The following TRPS1 variants were observed in gnomAD, a reference collection of about 807,000 sequenced individuals.
TRPS1 encodes zinc finger transcription factor Trps1.
Under a neutral mutation model 101.2 loss-of-function variants are expected in TRPS1, and 6 were observed. The ratio of observed to expected loss-of-function variants is 0.06; its 90% confidence interval spans 0.03 to 0.12. TRPS1 has a LOEUF of 0.12. Among genes scored for constraint, TRPS1 ranks in the 10% least tolerant of loss-of-function variants. The pLI is 1.00. For synonymous variants in TRPS1, 578 were observed against 589.8 expected, an observed-to-expected ratio of 0.98 and a Z score of 0.29; for missense variants, 1,363 against 1,567.0, an observed-to-expected ratio of 0.87 and a Z score of 2.20.
intron 5 of TRPS1, among the ~76,000 whole-genome samples, chr8:115,470,269 TAAG>T (rs1274647752): frequency 1.3e-5 from 2 of 152,180 alleles, no homozygotes; most frequent in Non-Finnish European, 2.9e-5. Context: ...GACATTGAAA[TAAG>T]AAATAATGCA....
rs565920096 is a variant in TRPS1, at chr8:115,474,651, A to G, written c.2701-56199T>C. Among the ~76,000 whole-genome samples the G allele has an allele frequency of 1.7e-4, 26 of 152,204 alleles. No individual in the cohort carries two copies. The East Asian group carries it at 5.0e-3, about 29-fold the overall frequency. ...GTAATATTATGTTCAATGGTGTTGCAAACTAACCAGAATTGAATTACACTT... is the reference window on the plus strand; with the variant it reads ...GTAATATTATGTTCAATGGTGTTGCGAACTAACCAGAATTGAATTACACTT... On this transcript the variant is annotated intron_variant, in intron 5 of 6. Transcript: ENST00000395715.
At chr8:115,462,132 AT>A (rs1563748509) in intron 5 of TRPS1, among the ~76,000 whole-genome samples, 1 of 152,220 alleles carries the variant, frequency 6.6e-6, no homozygotes, top group East Asian at 1.9e-4. Context: ...TTCTGAGGAA[AT>A]ATGATCTTAC....
At chr8:115,656,424 A>G (rs1321665140) in intron 1 of TRPS1, among the ~76,000 whole-genome samples, 1 of 152,112 alleles carries the variant, frequency 6.6e-6, no homozygotes, top group African/African-American at 2.4e-5. Flanking sequence ...CAGTATTTTA[A>G]ATTTTCTTAT....
At chr8:115,544,543 T>C (rs1158824084) in intron 5 of TRPS1, among the ~76,000 whole-genome samples, 1 of 152,110 alleles carries the variant, frequency 6.6e-6, no homozygotes, top group Non-Finnish European at 1.5e-5. Flanking sequence ...ATTAAAAAGC[T>C]GTATTTTATT....
intron 5 of TRPS1, among the ~76,000 whole-genome samples, chr8:115,522,894 T>G (rs1404561372): frequency 6.6e-6 from 1 of 152,148 alleles, no homozygotes; most frequent in Non-Finnish European, 1.5e-5. Context: ...TTGTTGTTGT[T>G]GTTGTCTTTG....
At chr8:115,555,331 T>G (rs1431164335) in intron 5 of TRPS1, among the ~76,000 whole-genome samples, 17 of 152,060 alleles carry the variant, frequency 1.1e-4, no homozygotes, top group Admixed American at 1.1e-3. Flanking sequence ...TGTAGGAGTA[T>G]GTAAGGTAAA....
chr8:115,448,247 C>T (rs140672523), intron 5 of TRPS1, among the ~76,000 whole-genome samples: 1 of 152,198 alleles, frequency 6.6e-6, no homozygotes, highest in African/African-American at 2.4e-5. Flanking sequence ...CCACATTGCT[C>T]GTATTGTTTT....
chr8:115,571,432 T>C (rs754058978), intron 5 of TRPS1, among the ~76,000 whole-genome samples: 1 of 152,140 alleles, frequency 6.6e-6, no homozygotes, highest in Non-Finnish European at 1.5e-5. Context: ...AATAGGCCTA[T>C]CTCTCAGATC....
In TRPS1 at chr8:115,442,554, T is replaced by C. The variant is rs7002994; in HGVS notation, c.2701-24102A>G. Among the ~76,000 whole-genome samples the C allele has an allele frequency of 1.6e-3, 226 of 141,374 alleles. 1 individual carries two copies. Among genetic ancestry groups the C allele is most frequent in the African/African-American group, 6.6e-3 (219 of 33,280 alleles). The allele number at this position is 141,374 out of a possible 152,430, so 92.7% of individuals were successfully genotyped here. On this transcript the variant is annotated intron_variant, in intron 5 of 6. Coordinates refer to ENST00000395715, the MANE Select transcript of TRPS1 (RefSeq NM_014112.5). ...AGCAAGCATCCAAGTATGGTGCGTGTGTGTGTGTGTGTGTGTGTGTGTGTG... is the reference window on the plus strand; with the variant it reads ...AGCAAGCATCCAAGTATGGTGCGTGCGTGTGTGTGTGTGTGTGTGTGTGTG...
At chr8:115,481,685 T>G (rs1814755627) in intron 5 of TRPS1, among the ~76,000 whole-genome samples, 1 of 152,198 alleles carries the variant, frequency 6.6e-6, no homozygotes, top group African/African-American at 2.4e-5. Context: ...AAACAGAGAT[T>G]GACTATGTTT....
intron 5 of TRPS1, among the ~76,000 whole-genome samples, chr8:115,508,707 T>C (rs959768990): frequency 1.3e-5 from 2 of 152,036 alleles, no homozygotes; most frequent in African/African-American, 2.4e-5. Context: ...TCTTGTTGAA[T>C]GGCATAAGAA....
intron 1 of TRPS1, among the ~76,000 whole-genome samples, chr8:115,650,168 T>C (rs961504894): frequency 1.2e-4 from 19 of 152,210 alleles, no homozygotes; most frequent in Admixed American, 2.6e-4. Context: ...GCATGTACTC[T>C]ACAGTGAAAC....
At chr8:115,577,522 A>C (rs1817346559) in intron 5 of TRPS1, among the ~76,000 whole-genome samples, 1 of 152,164 alleles carries the variant, frequency 6.6e-6, no homozygotes, top group Admixed American at 6.6e-5. Flanking sequence ...GCTAGAACAG[A>C]GGACTTAAAA....
chr8:115,499,583 C>G (rs1815250624), intron 5 of TRPS1, among the ~76,000 whole-genome samples: 1 of 152,122 alleles, frequency 6.6e-6, no homozygotes, highest in Admixed American at 6.5e-5. Flanking sequence ...ACAAGAAAAA[C>G]AGTTTAAATC....
chr8:115,596,125 G>A lies in TRPS1; in HGVS notation c.2096+7748C>T, dbSNP rs76870065. On this transcript the variant is annotated intron_variant, in intron 4 of 6. Coordinates refer to ENST00000395715, the MANE Select transcript of TRPS1 (RefSeq NM_014112.5). ...TTCAGTCTGATTTTACCCATTTTAC[G>A]TCTGGAAGTTGCAAGCACTGTTTAA... 1.2e-3 allele frequency among the ~76,000 whole-genome samples: 184 copies of A among 151,972 alleles called. 2 individuals are homozygous for A. The East Asian group carries it at 0.025, about 20-fold the overall frequency.
At chr8:115,659,336 G>A (rs1166192327) in intron 1 of TRPS1, among the ~76,000 whole-genome samples, 1 of 151,652 alleles carries the variant, frequency 6.6e-6, no homozygotes, top group East Asian at 1.9e-4. Context: ...TTCTAAAAAG[G>A]TATACTTCCA....
chr8:115,464,288 A>G (rs933714075), intron 5 of TRPS1, among the ~76,000 whole-genome samples: 3 of 152,144 alleles, frequency 2.0e-5, no homozygotes, highest in African/African-American at 7.2e-5. Context: ...AACTAGAGTG[A>G]TATTATTTCC....
chr8:115,524,787 T>G (rs531236214), intron 5 of TRPS1, among the ~76,000 whole-genome samples: 34 of 152,178 alleles, frequency 2.2e-4, no homozygotes, highest in Non-Finnish European at 2.2e-4. Flanking sequence ...TAATGATGTA[T>G]GAATGCAATT....
At chr8:115,438,326 CA>C (rs1460458340) in intron 5 of TRPS1, among the ~76,000 whole-genome samples, 1 of 152,196 alleles carries the variant, frequency 6.6e-6, no homozygotes, top group Non-Finnish European at 1.5e-5. Flanking sequence ...ACTAGGCACA[CA>C]ATGGTAAAAG....
Sources: gnomAD v4.1 joint callset for allele counts (sites outside exome capture counted in the v4.1 genomes callset) on GRCh38, gnomAD v4.1.1 for gene constraint, MANE v1.5 for transcripts, NCBI Gene and HGNC (gene_info 2026-07-23, HGNC 2026-07-21) for gene names.